SEC14L2: variants seen among roughly 807,000 people sequenced by gnomAD.
SEC14L2 encodes SEC14 like lipid binding 2, also known as SEC14-like protein 2.
SEC14L2 carries 50 observed loss-of-function variants against 56.9 expected under a neutral mutation model. That is an observed-to-expected ratio of 0.88 (90% CI 0.70 to 1.11). SEC14L2 has a LOEUF of 1.11. SEC14L2 is among the 50% of genes most tolerant of loss of function. The pLI is 0.00. For missense variants in SEC14L2, 414 were observed against 500.7 expected, an observed-to-expected ratio of 0.83 and a Z score of 1.65; for synonymous variants, 179 against 188.5, an observed-to-expected ratio of 0.95 and a Z score of 0.41.
rs748368938 is a variant in SEC14L2 at position 30,415,786 on chromosome 22, A to G, written c.692A>G (p.His231Arg). ...GANWKEVLLK[H>R]ISPDQVPVEY... The stretch of plus-strand genomic sequence containing the variant: ...AATTGGAAGGAGGTTTTACTGAAAC[A>G]TATCAGCCCTGACCAGGTGCCTGTG... Residue 231 changes from histidine (H) to arginine (R), a missense_variant, in exon 9 of 12, where the codon CAT becomes CGT. Physicochemically the swap from His to Arg is conservative, Grantham distance 29 (BLOSUM62 0). Transcript: ENST00000615189. 7.4e-6 allele frequency: 12 copies of G among 1,614,156 alleles called. No homozygotes were observed. Among genetic ancestry groups the G allele is most frequent in the Admixed American group, 3.3e-5 (2 of 60,020 alleles).
At chr22:30,406,285 C>A in intron 2 of SEC14L2, 57 bp from the exon 3 acceptor site, 1 of 1,575,002 alleles carries the variant, frequency 6.3e-7, no homozygotes, top group Non-Finnish European at 8.7e-7. Context: ...ATCTCCCCAT[C>A]CTTGGACACC....
chr22:30,423,863 C>T lies in SEC14L2; in HGVS notation c.*1456C>T, dbSNP rs909287809. 2.6e-5 allele frequency: 4 copies of T among 152,302 alleles called. No individual in the cohort carries two copies. The highest frequency in any genetic ancestry group is 1.3e-4 in the Admixed American group (2 of 15,288). 9.4% of individuals were successfully genotyped at this position (152,302 alleles called of 1,614,324 possible). A position where few individuals can be genotyped will look rare whatever the true frequency, so the allele number is the denominator to read the frequency against. ...GCAGGGAGTGAAATTCAATGCCCAC[C>T]GCTAGGCTCCTCGCTGCCTCTCACT... On this transcript the variant is annotated 3_prime_UTR_variant, in exon 12 of 12. Transcript: ENST00000615189.
At chr22:30,419,957 CTT>C (rs762892426) in intron 11 of SEC14L2, among the ~76,000 whole-genome samples, 9 of 137,050 alleles carry the variant, frequency 6.6e-5, no homozygotes, top group Admixed American at 1.4e-4. Flanking sequence ...CTTTTCTTTT[CTT>C]TTTTTTTTTT....
At chr22:30,408,976 GA>G (rs1934172857) in intron 5 of SEC14L2, 1 of 648,770 alleles carries the variant, frequency 1.5e-6, no homozygotes, top group Non-Finnish European at 2.9e-6. Context: ...TCATGTACTG[GA>G]AAAGAACACA....
intron 11 of SEC14L2, chr22:30,420,879 G>C (rs1934498250): frequency 6.6e-6 from 1 of 152,162 alleles, no homozygotes; most frequent in South Asian, 2.1e-4. Context: ...AAAGAAACAG[G>C]GTTAGATTAA....
At chr22:30,403,179 G>A (rs1247516790) in intron 2 of SEC14L2, among the ~76,000 whole-genome samples, 2 of 152,178 alleles carry the variant, frequency 1.3e-5, no homozygotes, top group South Asian at 2.1e-4. Flanking sequence ...CGGGCAGAAT[G>A]TCTGTCCCTA....
Position 30,424,555 on chromosome 22 carries a change from A to T in SEC14L2, c.*2148A>T. 2.8e-6 allele frequency: 1 copy of T among 355,940 alleles called. No individual in the cohort carries two copies. Among genetic ancestry groups the T allele is most frequent in the Non-Finnish European group, 5.5e-6 (1 of 180,436 alleles). 22.0% of individuals were successfully genotyped at this position (355,940 alleles called of 1,614,324 possible). A position where few individuals can be genotyped will look rare whatever the true frequency, so the allele number is the denominator to read the frequency against. Reference sequence around the variant, plus strand: ...GGTATCACGCAAAAACCCTGTGCTTACTATTACACTTTGGGTTGTTGCAAA... The same window carrying T: ...GGTATCACGCAAAAACCCTGTGCTTTCTATTACACTTTGGGTTGTTGCAAA... On this transcript the variant is annotated 3_prime_UTR_variant, in exon 12 of 12. Coordinates refer to ENST00000615189, the MANE Select transcript of SEC14L2 (RefSeq NM_012429.5).
Position 30,409,218 on chromosome 22 carries a change from T to TC in SEC14L2, c.455_456insC (p.Tyr153LeufsTer2). Reference sequence around the variant, plus strand: ...AGGAAGGTGGAGACCATCACCATAATTTATGACTGCGAGGGGCTTGGCCTC... The same window carrying TC: ...AGGAAGGTGGAGACCATCACCATAATCTTATGACTGCGAGGGGCTTGGCCTC... On this transcript the variant is annotated frameshift_variant, in exon 6 of 12. Transcript: ENST00000615189. LOFTEE classifies it high-confidence loss of function. 1 of 1,613,968 alleles carries TC rather than the reference T, an allele frequency of 6.2e-7. No individual in the cohort carries two copies. The highest frequency in any genetic ancestry group is 8.5e-7 in the Non-Finnish European group (1 of 1,179,998).
At chr22:30,406,994 C>T (rs368314674) in intron 3 of SEC14L2, 101 bp from the exon 4 acceptor site, 40 of 1,138,322 alleles carry the variant, frequency 3.5e-5, no homozygotes, top group East Asian at 3.3e-4. Flanking sequence ...TCAAGTGATC[C>T]ACCCGCCTTG....
chr22:30,409,735 A>G (rs1934198089), intron 7 of SEC14L2, among the ~76,000 whole-genome samples: 1 of 151,588 alleles, frequency 6.6e-6, no homozygotes, highest in African/African-American at 2.4e-5. Context: ...TCATCTCTAT[A>G]AAAAAGTTAA....
rs1934609787 is a variant in SEC14L2 at position 30,424,289 on chromosome 22, C to A, written c.*1882C>A. The A allele has an allele frequency of 1.9e-5, 3 of 161,950 alleles. No homozygotes were observed. Among genetic ancestry groups the A allele is most frequent in the African/African-American group, 7.2e-5 (3 of 41,502 alleles). The allele number at this position is 161,950 out of a possible 1,614,324, so 10.0% of individuals were successfully genotyped here. A position where few individuals can be genotyped will look rare whatever the true frequency, so the allele number is the denominator to read the frequency against. ...TTCCACGCCAGCATTGCCGGTGTTTCAGGGGGTGGGAACCGCTGCGTTCCC... is the reference window on the plus strand; with the variant it reads ...TTCCACGCCAGCATTGCCGGTGTTTAAGGGGGTGGGAACCGCTGCGTTCCC... On this transcript the variant is annotated 3_prime_UTR_variant, in exon 12 of 12. Coordinates refer to ENST00000615189, the MANE Select transcript of SEC14L2 (RefSeq NM_012429.5).
intron 8 of SEC14L2, among the ~76,000 whole-genome samples, chr22:30,411,660 C>T (rs1343491436): frequency 9.0e-5 from 13 of 143,788 alleles, no homozygotes; most frequent in African/African-American, 3.1e-4. Context: ...GCAGGAGAAT[C>T]GCTTGAACCC....
Position 30,407,561 on chromosome 22 carries a change from G to A in SEC14L2, c.381G>A (p.Glu127=), listed in dbSNP as rs1386540445. Residue 127 remains glutamate, a synonymous_variant, in exon 5 of 12, where the codon GAG becomes GAA. Coordinates refer to ENST00000615189, the MANE Select transcript of SEC14L2 (RefSeq NM_012429.5). ...KQDLLRTKMR[E]CELLLQECAH... is the part of the protein sequence containing the mutation. ...ACCTGCTGAGGACCAAGATGCGGGAGTGTGAGCTGCTTCTGCAAGAGTGTG... is the reference window on the plus strand; with the variant it reads ...ACCTGCTGAGGACCAAGATGCGGGAATGTGAGCTGCTTCTGCAAGAGTGTG... 1.2e-6 allele frequency: 2 copies of A among 1,614,138 alleles called. No individual in the cohort carries two copies. Among genetic ancestry groups the A allele is most frequent in the Non-Finnish European group, 1.7e-6 (2 of 1,180,022 alleles).
Position 30,424,752 on chromosome 22 carries a change from T to A in SEC14L2, c.*2345T>A, listed in dbSNP as rs1183599944. 4.4e-6 allele frequency: 2 copies of A among 456,468 alleles called. No homozygotes were observed. The highest frequency in any genetic ancestry group is 8.8e-6 in the Non-Finnish European group (2 of 226,972). The allele number at this position is 456,468 out of a possible 1,614,324, so 28.3% of individuals were successfully genotyped here. A position where few individuals can be genotyped will look rare whatever the true frequency, so the allele number is the denominator to read the frequency against. On this transcript the variant is annotated 3_prime_UTR_variant, in exon 12 of 12. Transcript: ENST00000615189. ...AACCCAGGATTGTCTCCAACGCCGCTCAATTATACCCGCCAAGGAGTCACA... is the reference window on the plus strand; with the variant it reads ...AACCCAGGATTGTCTCCAACGCCGCACAATTATACCCGCCAAGGAGTCACA...
chr22:30,402,237 A>T (rs535044197), intron 2 of SEC14L2, among the ~76,000 whole-genome samples: 33 of 152,244 alleles, frequency 2.2e-4, no homozygotes, highest in African/African-American at 7.7e-4. Context: ...GGGTGGAGAG[A>T]GTGGGAAGAT....
intron 2 of SEC14L2, among the ~76,000 whole-genome samples, chr22:30,401,056 AAT>A (rs1933917140): frequency 6.6e-6 from 1 of 150,756 alleles, no homozygotes; most frequent in South Asian, 2.1e-4. Context: ...CATATCCTAA[AAT>A]ATTAAAGTAC....
chr22:30,421,938 C>T (rs1934530196), intron 11 of SEC14L2, among the ~76,000 whole-genome samples: 1 of 152,200 alleles, frequency 6.6e-6, no homozygotes, highest in African/African-American at 2.4e-5. Flanking sequence ...TAATTCTCCT[C>T]CCTCCTTTCA....
At chr22:30,409,347 A>G (rs1251406544) in intron 6 of SEC14L2, 65 bp downstream of exon 6, 1 of 1,601,128 alleles carries the variant, frequency 6.2e-7, no homozygotes, top group Non-Finnish European at 8.6e-7. Flanking sequence ...CCCCTCTCCT[A>G]GGCTGTCCTG....
chr22:30,397,598 C>A (rs903063209), intron 1 of SEC14L2: 15 of 305,526 alleles, frequency 4.9e-5, no homozygotes, highest in African/African-American at 3.4e-4. Context: ...CTGGATAGCT[C>A]CTTGGGAGAC....
Sources: allele counts gnomAD v4.1 joint callset (sites outside exome capture counted in the v4.1 genomes callset), GRCh38; gene constraint gnomAD v4.1.1; transcripts MANE v1.5; gene names NCBI Gene and HGNC (gene_info 2026-07-23, HGNC 2026-07-21).